RGS6: variants seen among roughly 807,000 people sequenced by gnomAD.
RGS6 encodes regulator of G protein signaling 6.
In RGS6, 30 loss-of-function variants were observed where a neutral mutation model predicts 78.5. The ratio of observed to expected loss-of-function variants is 0.38; its 90% CI spans 0.29 to 0.52. The LOEUF (loss-of-function observed/expected upper bound fraction) is 0.52. Ranked by LOEUF, RGS6 falls within the 20% of genes least tolerant of loss-of-function variation. The pLI is 0.85. For missense variants in RGS6, 495 were observed against 609.7 expected, an observed-to-expected ratio of 0.81 and a Z score of 1.98; for synonymous variants, 206 against 206.0, an observed-to-expected ratio of 1.00 and a Z score of 0.00.
downstream of RGS6, among the ~76,000 whole-genome samples, chr14:72,570,093 G>A (rs1214571012): frequency 2.6e-5 from 4 of 151,778 alleles, no homozygotes; most frequent in Admixed American, 1.3e-4. Context: ...CAGTTTCCAC[G>A]GATTCAACAA....
chr14:72,387,727 T>C (rs2088673971), intron 3 of RGS6, among the ~76,000 whole-genome samples: 1 of 152,212 alleles, frequency 6.6e-6, no homozygotes, highest in Non-Finnish European at 1.5e-5. Context: ...GTAGGAATGA[T>C]CAGAGATGGA....
chr14:72,331,319 A>G (rs1341375433), intron 2 of RGS6, among the ~76,000 whole-genome samples: 2 of 151,992 alleles, frequency 1.3e-5, no homozygotes, highest in Non-Finnish European at 2.9e-5. Flanking sequence ...AGTTTGTTAG[A>G]GAGGTGGGCA....
intron 2 of RGS6, among the ~76,000 whole-genome samples, chr14:72,271,400 A>G (rs764704051): frequency 3.9e-5 from 6 of 151,994 alleles, no homozygotes; most frequent in Admixed American, 6.6e-5. Context: ...GTATGGGGAA[A>G]ACCACCCCCA....
At chr14:72,452,316 G>T (rs1251332815) in intron 3 of RGS6, among the ~76,000 whole-genome samples, 2 of 152,036 alleles carry the variant, frequency 1.3e-5, no homozygotes, top group Non-Finnish European at 2.9e-5. Context: ...TGCTGTCCAG[G>T]AGTAGCAAGA....
intron 2 of RGS6, among the ~76,000 whole-genome samples, chr14:72,324,529 C>G (rs192603193): frequency 6.6e-6 from 1 of 152,116 alleles, no homozygotes; most frequent in East Asian, 1.9e-4. Flanking sequence ...ACAACAGGCC[C>G]AGTGTGTGAT....
At chr14:72,393,688 T>G (rs1274567383) in intron 3 of RGS6, among the ~76,000 whole-genome samples, 2 of 152,164 alleles carry the variant, frequency 1.3e-5, no homozygotes, top group Non-Finnish European at 2.9e-5. Context: ...GACTTTGAAA[T>G]GCATGCTATT....
chr14:71,995,669 A>G (rs561702694), intron 2 of RGS6, among the ~76,000 whole-genome samples: 1 of 152,332 alleles, frequency 6.6e-6, no homozygotes, highest in Admixed American at 6.5e-5. Context: ...GACACGTAGC[A>G]GGTGCACCTG....
At chr14:72,536,675 C>T (rs1315908960) in intron 16 of RGS6, among the ~76,000 whole-genome samples, 1 of 152,150 alleles carries the variant, frequency 6.6e-6, no homozygotes, top group Non-Finnish European at 1.5e-5. Context: ...GACTTCTCTC[C>T]CTGACCAGCC....
chr14:72,427,966 C>A (rs1169081263), intron 3 of RGS6, among the ~76,000 whole-genome samples: 1 of 151,988 alleles, frequency 6.6e-6, no homozygotes, highest in Non-Finnish European at 1.5e-5. Flanking sequence ...CCCTTCCAAC[C>A]CCAATTTAGG....
At chr14:71,982,141 C>T (rs181695878) in intron 2 of RGS6, among the ~76,000 whole-genome samples, 17 of 152,188 alleles carry the variant, frequency 1.1e-4, no homozygotes, top group East Asian at 7.8e-4. Flanking sequence ...CGCCCTGCTT[C>T]GGCTGGCGCA....
chr14:71,971,608 C>T (rs1327606558), intron 2 of RGS6, among the ~76,000 whole-genome samples: 1 of 152,206 alleles, frequency 6.6e-6, no homozygotes, highest in Non-Finnish European at 1.5e-5. Flanking sequence ...GGCTTGAAAA[C>T]ATTTATTATG....
chr14:71,934,555 T>C lies in RGS6; in HGVS notation c.-21+1614T>C, dbSNP rs187026691. Among the ~76,000 whole-genome samples the C allele has an allele frequency of 3.3e-5, 5 of 152,346 alleles. No homozygotes were observed. The East Asian group carries it at 9.6e-4, about 29-fold the overall frequency. ...TTTCTTTGAAGCAATAAATTCATCT[T>C]ATCAAGTGAAACATTATGACAATGC... On this transcript the variant is annotated intron_variant, in intron 1 of 17. Transcript: ENST00000553525.
At chr14:72,384,412 T>G (rs1412259921) in intron 3 of RGS6, among the ~76,000 whole-genome samples, 1 of 152,228 alleles carries the variant, frequency 6.6e-6, no homozygotes, top group Non-Finnish European at 1.5e-5. Context: ...GAAATGTATG[T>G]TTTTTCCTAT....
intron 2 of RGS6, among the ~76,000 whole-genome samples, chr14:72,225,890 A>G (rs1006212510): frequency 6.6e-6 from 1 of 152,178 alleles, no homozygotes; most frequent in Non-Finnish European, 1.5e-5. Flanking sequence ...GGGTCAACTA[A>G]TAGATGCTTC....
intron 2 of RGS6, among the ~76,000 whole-genome samples, chr14:72,005,310 A>G (rs1028967567): frequency 2.0e-5 from 3 of 152,182 alleles, no homozygotes; most frequent in Non-Finnish European, 2.9e-5. Context: ...TGTCTAACTC[A>G]TATCTCTTTA....
At position 72,245,970 on chromosome 14, in the gene RGS6, A is replaced by G. The variant is rs186816563; in HGVS notation, c.85-106125A>G. On this transcript the variant is annotated intron_variant, in intron 2 of 17. Transcript: ENST00000553525. ...GCATAGGGAGGGTACCTTTCACATG[A>G]TCTGCCTCAGGGAAGGATCAGACAA... 1.3e-3 allele frequency among the ~76,000 whole-genome samples: 191 copies of G among 152,314 alleles called. 1 individual carries two copies. The highest frequency in any genetic ancestry group is 2.3e-3 in the Non-Finnish European group (155 of 68,024).
intron 3 of RGS6, among the ~76,000 whole-genome samples, chr14:72,354,464 A>G (rs1287905035): frequency 8.6e-6 from 1 of 116,272 alleles, no homozygotes; most frequent in East Asian, 2.1e-4. Flanking sequence ...TGTCTCTACT[A>G]AAAATACAAA....
chr14:72,435,727 C>T (rs1238001357), intron 3 of RGS6, among the ~76,000 whole-genome samples: 1 of 151,872 alleles, frequency 6.6e-6, no homozygotes, highest in Non-Finnish European at 1.5e-5. Flanking sequence ...GTTTGTGCTT[C>T]TCATTCTCAT....
intron 2 of RGS6, among the ~76,000 whole-genome samples, chr14:72,193,565 A>C (rs1021474390): frequency 6.6e-6 from 1 of 152,212 alleles, no homozygotes; most frequent in African/African-American, 2.4e-5. Flanking sequence ...TGGAGTTTAC[A>C]TTCTTATGAG....
Sources: gnomAD v4.1 joint callset for allele counts (sites outside exome capture counted in the v4.1 genomes callset) on GRCh38, gnomAD v4.1.1 for gene constraint, MANE v1.5 for transcripts, NCBI Gene and HGNC (gene_info 2026-07-23, HGNC 2026-07-21) for gene names.